S100A8: variants seen among roughly 807,000 people sequenced by gnomAD.
S100A8 encodes S100 calcium binding protein A8.
Under a neutral mutation model 4.2 loss-of-function variants are expected in S100A8, and 1 was observed. The observed-to-expected ratio is 0.24, with a 90% CI of 0.08 to 1.12. S100A8 has a LOEUF of 1.12. Among genes scored for constraint, S100A8 ranks in the 50% most tolerant of loss-of-function variants. S100A8 has a pLI of 0.53. For synonymous variants in S100A8, 41 were observed against 44.7 expected, an observed-to-expected ratio of 0.92 and a Z score of 0.33; for missense variants, 96 against 111.8, an observed-to-expected ratio of 0.86 and a Z score of 0.64.
the S100A8 span, among the ~76,000 whole-genome samples, chr1:153,417,590 C>T: frequency 6.6e-6 from 1 of 152,222 alleles, no homozygotes; most frequent in African/African-American, 2.4e-5. Flanking sequence ...AGGTGGGGCC[C>T]ACGGTGTCTG....
the S100A8 span, chr1:153,416,515 A>T: frequency 2.1e-6 from 1 of 479,326 alleles, no homozygotes; most frequent in South Asian, 1.7e-5. Flanking sequence ...TCTTTGTCCA[A>T]ACACACACAT....
the S100A8 span, among the ~76,000 whole-genome samples, chr1:153,401,796 T>A: frequency 1.3e-5 from 2 of 152,232 alleles, no homozygotes; most frequent in Non-Finnish European, 2.9e-5. Context: ...GAGGATCAAG[T>A]AATTACCTTA....
the S100A8 span, among the ~76,000 whole-genome samples, chr1:153,413,285 C>T: frequency 5.3e-5 from 8 of 152,208 alleles, no homozygotes; most frequent in South Asian, 1.2e-3. Context: ...TTAAGTGTGT[C>T]CTTCAAATAT....
upstream of S100A8, among the ~76,000 whole-genome samples, chr1:153,394,702 G>A (rs1302810827): frequency 2.0e-5 from 3 of 152,118 alleles, no homozygotes; most frequent in Non-Finnish European, 2.9e-5. Flanking sequence ...GGGACAGCAG[G>A]CCAGGCCCGG....
chr1:153,404,892 C>G, the S100A8 span, among the ~76,000 whole-genome samples: 6 of 152,128 alleles, frequency 3.9e-5, no homozygotes, highest in African/African-American at 1.4e-4. Context: ...CTGCCTCCGG[C>G]GACAACCAGG....
the S100A8 span, among the ~76,000 whole-genome samples, chr1:153,401,054 G>A: frequency 2.0e-5 from 3 of 152,130 alleles, no homozygotes; most frequent in Admixed American, 6.6e-5. Flanking sequence ...AGCCCCCTAC[G>A]CCATGCCAAT....
upstream of S100A8, among the ~76,000 whole-genome samples, chr1:153,393,505 A>G (rs1434876800): frequency 2.0e-5 from 3 of 152,224 alleles, no homozygotes; most frequent in Non-Finnish European, 2.9e-5. Context: ...CAAGGCAGAA[A>G]TTCTCTTTAT....
At chr1:153,418,721 G>A in the S100A8 span, among the ~76,000 whole-genome samples, 1 of 152,210 alleles carries the variant, frequency 6.6e-6, no homozygotes, top group Non-Finnish European at 1.5e-5. Context: ...GAACCCAGAA[G>A]ATGAGTTTGG....
chr1:153,418,177 T>C, the S100A8 span: 2 of 1,614,050 alleles, frequency 1.2e-6, no homozygotes, highest in African/African-American at 2.7e-5. Context: ...AAGCCAAGCC[T>C]GCTGACGATG....
the S100A8 span, among the ~76,000 whole-genome samples, chr1:153,398,222 C>A: frequency 6.6e-6 from 1 of 152,154 alleles, no homozygotes; most frequent in Non-Finnish European, 1.5e-5. Context: ...CCCCAAGGAG[C>A]CCAGTAATCA....
the S100A8 span, among the ~76,000 whole-genome samples, chr1:153,402,855 T>C: frequency 1.3e-5 from 2 of 152,204 alleles, no homozygotes; most frequent in Admixed American, 6.5e-5. Flanking sequence ...CAGTACTAGA[T>C]GTTAAGATTT....
the S100A8 span, chr1:153,419,530 T>A: frequency 1.5e-5 from 9 of 589,502 alleles, no homozygotes; most frequent in Non-Finnish European, 2.7e-5. Context: ...GCAGAGCTGA[T>A]CTGCCTCTCA....
the S100A8 span, among the ~76,000 whole-genome samples, chr1:153,411,757 C>G: frequency 6.6e-6 from 1 of 152,174 alleles, no homozygotes; most frequent in Non-Finnish European, 1.5e-5. Context: ...GTAATCAAAA[C>G]AGCATGGTAC....
chr1:153,414,403 A>C, the S100A8 span, among the ~76,000 whole-genome samples: 1 of 152,238 alleles, frequency 6.6e-6, no homozygotes, highest in Admixed American at 6.5e-5. Context: ...AACTCTTAAA[A>C]CTCAGAGATA....
upstream of S100A8, among the ~76,000 whole-genome samples, chr1:153,393,696 G>A (rs995905748): frequency 2.0e-5 from 3 of 152,098 alleles, no homozygotes; most frequent in East Asian, 1.9e-4. Flanking sequence ...TATTCACCAC[G>A]TACTATCCTA....
At chr1:153,400,575 C>G in the S100A8 span, among the ~76,000 whole-genome samples, 2 of 152,162 alleles carry the variant, frequency 1.3e-5, no homozygotes, top group African/African-American at 4.8e-5. Flanking sequence ...AGGTAGATAC[C>G]GAAGCCAACA....
the S100A8 span, among the ~76,000 whole-genome samples, chr1:153,412,431 A>T: frequency 6.6e-6 from 1 of 152,238 alleles, no homozygotes; most frequent in Admixed American, 6.5e-5. Context: ...CTACAATGAG[A>T]TACCATCTCA....
chr1:153,406,587 C>T, the S100A8 span, among the ~76,000 whole-genome samples: 1 of 152,200 alleles, frequency 6.6e-6, no homozygotes, highest in Non-Finnish European at 1.5e-5. Flanking sequence ...GGATAAAATA[C>T]AGCAAAAAGA....
chr1:153,391,930 C>T (rs1321293708), upstream of S100A8, among the ~76,000 whole-genome samples: 1 of 152,114 alleles, frequency 6.6e-6, no homozygotes, highest in Non-Finnish European at 1.5e-5. Flanking sequence ...GCCAGACGCG[C>T]TTCATGCCTA....
Sources: gnomAD v4.1 joint callset for allele counts (sites outside exome capture counted in the v4.1 genomes callset) on GRCh38, gnomAD v4.1.1 for gene constraint, MANE v1.5 for transcripts, NCBI Gene and HGNC (gene_info 2026-07-23, HGNC 2026-07-21) for gene names.